The following PAK3 variants were observed in gnomAD, a reference collection of about 807,000 sequenced individuals.
PAK3 encodes the protein serine/threonine-protein kinase PAK 3.
In PAK3, 4 loss-of-function variants were observed where a neutral mutation model predicts 41.0. The observed-to-expected ratio is 0.10, with a 90% confidence interval of 0.05 to 0.22. The LOEUF is 0.22. PAK3 is among the 10% of genes least tolerant of loss of function. PAK3 has a pLI of 1.00. For missense variants in PAK3, 205 were observed against 409.9 expected (o/e 0.50, Z 4.32); for synonymous variants, 146 against 139.6 (o/e 1.05, Z -0.32).
chrX:111,083,476 T>G (rs2092852321), intron 1 of PAK3, among the ~76,000 whole-genome samples: 1 of 112,272 alleles, frequency 8.9e-6, no homozygotes, highest in African/African-American at 3.2e-5. Context: ...TTCCATATCC[T>G]CTCTCACTTA....
chrX:111,191,070 G>T (rs1409403275), intron 11 of PAK3, among the ~76,000 whole-genome samples: 1 of 111,905 alleles, frequency 8.9e-6, no homozygotes, highest in Non-Finnish European at 1.9e-5. Context: ...GTACTGCTAA[G>T]ATATAAAGAA....
At chrX:111,179,418 T>G in intron 11 of PAK3, among the ~76,000 whole-genome samples, 1 of 111,335 alleles carries the variant, frequency 9.0e-6, no homozygotes, top group East Asian at 2.8e-4. Context: ...ACTATATGAC[T>G]TTTTAAAATT....
At position 111,192,252 on chromosome X, in the gene PAK3, C is replaced by T. The variant is rs977649579; in HGVS notation, c.879+77C>T. ...CAGTTATCTTCTTCGATGGCAACTT[C>T]GCCTAAAAAAAAAATGGGTAGCACT... On this transcript the variant is annotated intron_variant, in intron 12 of 17. Transcript: ENST00000372007. The T allele has an allele frequency of 1.8e-5, 12 of 678,653 alleles. 1 individual carries two copies. Among genetic ancestry groups the T allele is most frequent in the South Asian group, 9.3e-5 (4 of 42,889 alleles). The allele number at this position is 678,653 out of a possible 1,213,427, so 55.9% of individuals were successfully genotyped here. A position where few individuals can be genotyped will look rare whatever the true frequency, so the allele number is the denominator to read the frequency against.
chrX:111,019,474 G>T (rs1399279338), intron 1 of PAK3, among the ~76,000 whole-genome samples: 1 of 103,135 alleles, frequency 9.7e-6, no homozygotes, highest in Non-Finnish European at 2.0e-5. Flanking sequence ...CAGGAAGACG[G>T]CTTGAGCCCA....
At chrX:111,198,393 C>A (rs2094639534) in intron 16 of PAK3, among the ~76,000 whole-genome samples, 1 of 112,548 alleles carries the variant, frequency 8.9e-6, no homozygotes, top group Non-Finnish European at 1.9e-5. Flanking sequence ...ATCATGAAAT[C>A]TTTGCCAGGG....
intron 1 of PAK3, among the ~76,000 whole-genome samples, chrX:111,077,766 A>G (rs2092799310): frequency 8.9e-6 from 1 of 111,992 alleles, no homozygotes; most frequent in African/African-American, 3.2e-5. Context: ...TATTTGACCT[A>G]TGACCCCAAA....
intron 1 of PAK3, among the ~76,000 whole-genome samples, chrX:111,034,776 C>T (rs147965744): frequency 0.02 from 2,179 of 111,150 alleles, 61 homozygotes; most frequent in African/African-American, 0.067. Context: ...GGCAAGTCTA[C>T]TCTTCTCTGG....
chrX:110,953,755 TG>T (rs773069513), intron 1 of PAK3, among the ~76,000 whole-genome samples: 1 of 111,973 alleles, frequency 8.9e-6, no homozygotes, highest in Non-Finnish European at 1.9e-5. Context: ...CCTAGCTCCC[TG>T]GGACTGGTTT....
At chrX:110,955,132 C>T (rs781221538) in intron 1 of PAK3, among the ~76,000 whole-genome samples, 64 of 112,248 alleles carry the variant, frequency 5.7e-4, no homozygotes, top group African/African-American at 1.8e-3. Context: ...ACGACTGATA[C>T]GATTCAAACT....
Position 110,957,770 on chromosome X carries a change from T to C in PAK3, c.-28+13142T>C, listed in dbSNP as rs1434642005. On this transcript the variant is annotated intron_variant, in intron 1 of 14. Transcript: ENST00000425146. ...TCCTTCTCAGACCATGTCACTTCTTTCTTTCATTCCTTTAGTCATTCATCC... is the reference window on the plus strand; with the variant it reads ...TCCTTCTCAGACCATGTCACTTCTTCCTTTCATTCCTTTAGTCATTCATCC... 8.0e-5 allele frequency among the ~76,000 whole-genome samples: 9 copies of C among 111,892 alleles called. No individual in the cohort carries two copies. In the Admixed American group the frequency reaches 8.5e-4, roughly 11 times the overall value.
chrX:111,030,113 A>G (rs1000985600), intron 1 of PAK3, among the ~76,000 whole-genome samples: 1 of 112,253 alleles, frequency 8.9e-6, no homozygotes, highest in Non-Finnish European at 1.9e-5. Context: ...AGTTTTGATA[A>G]ATTTTAACTT....
chrX:111,142,261 A>G, intron 6 of PAK3, 65 bp downstream of exon 6: 1 of 672,276 alleles, frequency 1.5e-6, no homozygotes, highest in South Asian at 2.1e-5. Flanking sequence ...ATAGTTTTCA[A>G]GCAAGAATTG....
At chrX:111,023,753 T>A (rs2092228008) in intron 1 of PAK3, among the ~76,000 whole-genome samples, 1 of 112,343 alleles carries the variant, frequency 8.9e-6, no homozygotes, top group Non-Finnish European at 1.9e-5. Context: ...TGTTTTTTTC[T>A]TGTAAATGTG....
intron 11 of PAK3, among the ~76,000 whole-genome samples, chrX:111,185,271 G>T (rs2094499006): frequency 9.0e-6 from 1 of 111,377 alleles, no homozygotes. Context: ...TTTTGTTTAA[G>T]TTCCTTGTAG....
chrX:111,125,857 A>G (rs1384714712), intron 5 of PAK3, among the ~76,000 whole-genome samples: 1 of 111,725 alleles, frequency 9.0e-6, no homozygotes, highest in Non-Finnish European at 1.9e-5. Context: ...CCATTTAAAT[A>G]CTCTTACTGG....
Position 111,123,186 on chromosome X carries a change from T to C in PAK3, c.83T>C (p.Leu28Pro), listed in dbSNP as rs1437368857. ...AGTAACAACCGGGATTCTTCAGCAC[T>C]CAACCACAGCTCCAAACCACTTCCC... ...MNSNNRDSSALNHSSKPLPMA... is the reference protein window; with the variant it reads ...MNSNNRDSSAPNHSSKPLPMA... The change falls in exon 5 of 18, where the codon CTC (leucine) becomes CCC (proline). Residue 28 changes from leucine (L) to proline (P), a missense_variant. Coordinates refer to ENST00000372007, the MANE Select transcript of PAK3 (RefSeq NM_002578.5). 1 of 1,204,125 alleles carries C rather than the reference T, an allele frequency of 8.3e-7. No individual in the cohort carries two copies. The highest frequency in any genetic ancestry group is 3.0e-5 in the East Asian group (1 of 33,805).
At chrX:110,951,455 G>A (rs1396236983) in intron 1 of PAK3, among the ~76,000 whole-genome samples, 1 of 111,921 alleles carries the variant, frequency 8.9e-6, no homozygotes, top group African/African-American at 3.2e-5. Context: ...GATTAGATTT[G>A]TTCAGTTAAT....
chrX:111,094,381 T>G (rs560111663), upstream of PAK3, among the ~76,000 whole-genome samples: 5 of 111,824 alleles, frequency 4.5e-5, no homozygotes, highest in African/African-American at 1.3e-4. Context: ...GACTTTGGAC[T>G]CATTTCGATA....
chrX:111,192,499 C>T lies in PAK3; in HGVS notation c.880-7C>T, dbSNP rs756148594. 17 of 935,508 alleles carry T rather than the reference C, an allele frequency of 1.8e-5. No individual in the cohort carries two copies. The African/African-American group carries it at 3.3e-4, about 18-fold the overall frequency. 77.1% of individuals were successfully genotyped at this position (935,508 alleles called of 1,213,427 possible). A position where few individuals can be genotyped will look rare whatever the true frequency, so the allele number is the denominator to read the frequency against. ...TAATTCATTCTTGTATTTTAATTGC[C>T]ATTCAGGTGGCCATAAAGCAGATGA... On this transcript the variant is annotated splice_region_variant and splice_polypyrimidine_tract_variant and intron_variant, in intron 12 of 17. Coordinates refer to ENST00000372007, the MANE Select transcript of PAK3 (RefSeq NM_002578.5).
Sources: gnomAD v4.1 joint callset for allele counts (sites outside exome capture counted in the v4.1 genomes callset) on GRCh38, gnomAD v4.1.1 for gene constraint, MANE v1.5 for transcripts, NCBI Gene and HGNC (gene_info 2026-07-23, HGNC 2026-07-21) for gene names.